Variants in MN1 observed in about 807,000 individuals in gnomAD.
MN1 encodes transcriptional activator MN1.
Under a neutral mutation model 86.9 loss-of-function variants are expected in MN1, and 19 were observed. The ratio of observed to expected loss-of-function variants is 0.22; its 90% CI spans 0.15 to 0.32. The LOEUF (loss-of-function observed/expected upper bound fraction) is 0.32, where lower values mean the gene tolerates loss of function less well. MN1 is among the 10% of genes least tolerant of loss of function. The pLI is 1.00. For synonymous variants in MN1, 928 were observed against 849.6 expected (o/e 1.09, Z -1.60); for missense variants, 1,841 against 1,862.0 (o/e 0.99, Z 0.21).
In MN1 at chr22:27,749,168, G is replaced by C; in HGVS notation, c.*1747C>G. On this transcript the variant is annotated 3_prime_UTR_variant, in exon 2 of 2. Coordinates refer to ENST00000302326, the MANE Select transcript of MN1 (RefSeq NM_002430.3). The stretch of plus-strand genomic sequence containing the variant: ...CCCCAGCCAAAAGGACCGGCAGAAG[G>C]AAAGAGGGGAGAAGGGAGGGGAAAG... 8.6e-6 allele frequency: 2 copies of C among 231,716 alleles called. No homozygotes were observed. Among genetic ancestry groups the C allele is most frequent in the Non-Finnish European group, 1.7e-5 (2 of 117,102 alleles). 14.4% of individuals were successfully genotyped at this position (231,716 alleles called of 1,614,324 possible).
chr22:27,771,835 T>C (rs941163029), intron 1 of MN1, among the ~76,000 whole-genome samples: 2 of 152,218 alleles, frequency 1.3e-5, no homozygotes, highest in African/African-American at 2.4e-5. Context: ...CTGGAAAAAC[T>C]GAGGCTCGGA....
At chr22:27,777,848 C>T (rs988100871) in intron 1 of MN1, among the ~76,000 whole-genome samples, 1 of 151,986 alleles carries the variant, frequency 6.6e-6, no homozygotes, top group African/African-American at 2.4e-5. Flanking sequence ...TGCACTCCAG[C>T]CTGGGCCACA....
At chr22:27,792,354 A>G (rs1411480367) in intron 1 of MN1, among the ~76,000 whole-genome samples, 3 of 139,110 alleles carry the variant, frequency 2.2e-5, no homozygotes, top group Non-Finnish European at 4.8e-5. Flanking sequence ...ATATATATGA[A>G]TATATAAATA....
intron 1 of MN1, among the ~76,000 whole-genome samples, chr22:27,756,890 G>A (rs550588076): frequency 1.4e-4 from 21 of 152,142 alleles, no homozygotes; most frequent in African/African-American, 4.8e-4. Context: ...CAAGTAGCTG[G>A]GACTATGGGT....
intron 1 of MN1, among the ~76,000 whole-genome samples, chr22:27,792,350 AT>A (rs201984276): frequency 0.083 from 11,306 of 136,936 alleles, 556 homozygotes; most frequent in South Asian, 0.16. Flanking sequence ...ATATATATAT[AT>A]GAATATATAA....
chr22:27,799,135 C>A lies in MN1; in HGVS notation c.1409G>T (p.Cys470Phe). 1 of 1,605,334 alleles carries A rather than the reference C, an allele frequency of 6.2e-7. No homozygotes were observed. Among genetic ancestry groups the A allele is most frequent in the Non-Finnish European group, 8.5e-7 (1 of 1,173,788 alleles). The stretch of plus-strand genomic sequence containing the variant: ...GTGCATGCTGCCGTTCCACGAAGCG[C>A]AGCGGTCCACTCCCGCGCTGCCCGG... ...DFPGSAGVDR[C>F]ASWNGSMHNG... The change falls in exon 1 of 2, where the codon TGC becomes TTC. Residue 470 changes from cysteine to phenylalanine, a missense_variant. Coordinates refer to ENST00000302326, the MANE Select transcript of MN1 (RefSeq NM_002430.3).
rs139926000 is a variant in MN1 at position 27,764,110 on chromosome 22, C to A, written c.3782-13014G>T. Among the ~76,000 whole-genome samples the A allele has an allele frequency of 2.6e-5, 4 of 152,282 alleles. No individual in the cohort carries two copies. The East Asian group carries it at 7.7e-4, about 29-fold the overall frequency. ...ATGGAGACCCCTGGAAGAAGTTAGA[C>A]CGTGTTCCTGCCAGCAATGGGGAGC... On this transcript the variant is annotated intron_variant, in intron 1 of 1. Coordinates refer to ENST00000302326, the MANE Select transcript of MN1 (RefSeq NM_002430.3).
intron 1 of MN1, among the ~76,000 whole-genome samples, chr22:27,754,765 G>T (rs370299530): frequency 4.6e-5 from 7 of 152,216 alleles, no homozygotes; most frequent in African/African-American, 1.7e-4. Context: ...CGGTAAGCAC[G>T]CCAGCCCCCA....
chr22:27,778,257 G>A (rs1271032500), intron 1 of MN1, among the ~76,000 whole-genome samples: 2 of 152,308 alleles, frequency 1.3e-5, no homozygotes, highest in African/African-American at 4.8e-5. Flanking sequence ...CACAATTTTT[G>A]TCTCAGATTC....
intron 1 of MN1, among the ~76,000 whole-genome samples, chr22:27,782,008 T>C (rs1933060149): frequency 2.0e-5 from 3 of 152,068 alleles, no homozygotes; most frequent in Admixed American, 2.0e-4. Context: ...CCTGGCAAAA[T>C]GATCAGGGGC....
At chr22:27,783,265 G>A (rs1251146514) in intron 1 of MN1, among the ~76,000 whole-genome samples, 2 of 151,968 alleles carry the variant, frequency 1.3e-5, no homozygotes, top group African/African-American at 4.8e-5. Context: ...CTCCTGAGTA[G>A]CTGGGATTAC....
At chr22:27,788,835 C>G (rs572777291) in intron 1 of MN1, among the ~76,000 whole-genome samples, 1 of 152,194 alleles carries the variant, frequency 6.6e-6, no homozygotes, top group African/African-American at 2.4e-5. Flanking sequence ...TCAACTTTGA[C>G]GCAGAGAGAT....
chr22:27,788,619 C>CT lies in MN1; in HGVS notation c.3781+8143dup, dbSNP rs202009006. ...TCACAGTAACTGAAAAGGGTCATAT[C>CT]TTTTTTTTTTTTTTTGACATCTCAT... On this transcript the variant is annotated intron_variant, in intron 1 of 1. Coordinates refer to ENST00000302326, the MANE Select transcript of MN1 (RefSeq NM_002430.3). Among the ~76,000 whole-genome samples the CT allele has an allele frequency of 8.2e-3, 1,166 of 142,898 alleles. 15 individuals carry two copies. Among genetic ancestry groups the CT allele is most frequent in the African/African-American group, 0.022 (857 of 39,228 alleles). The allele number at this position is 142,898 out of a possible 152,430, so 93.7% of individuals were successfully genotyped here. A position where few individuals can be genotyped will look rare whatever the true frequency, so the allele number is the denominator to read the frequency against.
chr22:27,763,336 C>A (rs1932847051), intron 1 of MN1, among the ~76,000 whole-genome samples: 1 of 152,180 alleles, frequency 6.6e-6, no homozygotes, highest in Non-Finnish European at 1.5e-5. Context: ...GTCAGCACAG[C>A]TGGCAAGGGG....
intron 1 of MN1, among the ~76,000 whole-genome samples, chr22:27,759,581 T>C (rs991014220): frequency 3.3e-5 from 5 of 151,900 alleles, no homozygotes; most frequent in African/African-American, 4.8e-5. Flanking sequence ...CCTCACTAGC[T>C]CTGTGATCTT....
Position 27,750,794 on chromosome 22 carries a change from C to A in MN1, c.*121G>T. 8 of 761,696 alleles carry A rather than the reference C, an allele frequency of 1.1e-5. No individual in the cohort carries two copies. Among genetic ancestry groups the A allele is most frequent in the East Asian group, 3.2e-5 (1 of 31,598 alleles). The allele number at this position is 761,696 out of a possible 1,614,324, so 47.2% of individuals were successfully genotyped here. On this transcript the variant is annotated 3_prime_UTR_variant, in exon 2 of 2. Coordinates refer to ENST00000302326, the MANE Select transcript of MN1 (RefSeq NM_002430.3). ...TACCAACCTAGAGAAAAAAAAAAAA[C>A]TCATCCACTCAGCAATAGTGGCCCT...
At chr22:27,782,277 TAGTG>T (rs955315829) in intron 1 of MN1, among the ~76,000 whole-genome samples, 2 of 152,020 alleles carry the variant, frequency 1.3e-5, no homozygotes, top group African/African-American at 4.8e-5. Context: ...ACCGGCCCAA[TAGTG>T]AGGCCTGAAA....
chr22:27,800,574 G>A lies in MN1; in HGVS notation c.-31C>T, dbSNP rs1257933683. On this transcript the variant is annotated 5_prime_UTR_variant, in exon 1 of 2. Coordinates refer to ENST00000302326, the MANE Select transcript of MN1 (RefSeq NM_002430.3). ...GCGGGGGGCAGAGGGGGATCAATAG[G>A]GCATGACAGCCGGCTCTCCGCGGCG... The A allele has an allele frequency of 1.2e-6, 2 of 1,613,134 alleles. No individual in the cohort carries two copies. The highest frequency in any genetic ancestry group is 2.2e-5 in the South Asian group (2 of 91,070).
chr22:27,753,759 AG>A (rs1465648254), intron 1 of MN1, among the ~76,000 whole-genome samples: 2 of 152,216 alleles, frequency 1.3e-5, no homozygotes, highest in Non-Finnish European at 2.9e-5. Flanking sequence ...CAGGGTTTCT[AG>A]GAACATGGCA....
Sources: gnomAD v4.1 joint callset for allele counts (sites outside exome capture counted in the v4.1 genomes callset) on GRCh38, gnomAD v4.1.1 for gene constraint, MANE v1.5 for transcripts, NCBI Gene and HGNC (gene_info 2026-07-23, HGNC 2026-07-21) for gene names.